PTPRG: variants seen among roughly 807,000 people sequenced by gnomAD.
PTPRG encodes the protein receptor-type tyrosine-protein phosphatase gamma.
Under a neutral mutation model 165.3 loss-of-function variants are expected in PTPRG, and 102 were observed. That is an observed-to-expected ratio of 0.62 (90% CI 0.53 to 0.73). PTPRG has a LOEUF of 0.73. PTPRG is among the 30% of genes least tolerant of loss of function. PTPRG has a pLI of 0.00. For synonymous variants in PTPRG, 675 were observed against 669.5 expected (o/e 1.01, Z -0.13); for missense variants, 1,866 against 1,861.4 (o/e 1.00, Z -0.05).
chr3:61,927,156 T>A (rs1202184290), intron 2 of PTPRG, among the ~76,000 whole-genome samples: 1 of 152,238 alleles, frequency 6.6e-6, no homozygotes, highest in Non-Finnish European at 1.5e-5. Flanking sequence ...GTTCATTTGA[T>A]CTTTTCCATC....
chr3:61,943,583 A>G (rs1377167281), intron 2 of PTPRG, among the ~76,000 whole-genome samples: 1 of 152,240 alleles, frequency 6.6e-6, no homozygotes, highest in Non-Finnish European at 1.5e-5. Flanking sequence ...GTCTCAAAAT[A>G]ATAATAATAA....
chr3:62,119,708 C>T (rs532651950), intron 5 of PTPRG, among the ~76,000 whole-genome samples: 8 of 151,842 alleles, frequency 5.3e-5, no homozygotes, highest in Middle Eastern at 3.4e-3. Context: ...GCAAACTCCA[C>T]GTCCTGGGTT....
At chr3:62,231,399 G>C in intron 14 of PTPRG, 88 bp downstream of exon 14, 1 of 1,079,992 alleles carries the variant, frequency 9.3e-7, no homozygotes, top group East Asian at 2.7e-5. Flanking sequence ...GGGGATTGAA[G>C]TCTTGTAGAT....
In PTPRG at chr3:62,296,240, T is replaced by G. The variant is rs551492263; in HGVS notation, c.*2933T>G. ...ATTAGCTAATTGGTCTTCCTAATTT[T>G]TATGCCTTTAGAGTTTTTAGTCTAT... On this transcript the variant is annotated 3_prime_UTR_variant, in exon 30 of 30. Coordinates refer to ENST00000474889, the MANE Select transcript of PTPRG (RefSeq NM_002841.4). 2.0e-5 allele frequency: 3 copies of G among 151,968 alleles called. No homozygotes were observed. The highest frequency in any genetic ancestry group is 4.4e-5 in the Non-Finnish European group (3 of 67,968). The allele number at this position is 151,968 out of a possible 1,614,324, so 9.4% of individuals were successfully genotyped here.
At chr3:61,989,978 A>C (rs1464329798) in intron 3 of PTPRG, among the ~76,000 whole-genome samples, 174 bp downstream of exon 3, 1 of 152,136 alleles carries the variant, frequency 6.6e-6, no homozygotes, top group African/African-American at 2.4e-5. Context: ...CTCTGTGGCT[A>C]ATCACCCTGT....
chr3:62,019,435 A>G (rs1559749971), intron 4 of PTPRG, among the ~76,000 whole-genome samples: 7 of 147,844 alleles, frequency 4.7e-5, no homozygotes, highest in Non-Finnish European at 1.5e-5. Context: ...AGAAGGGAGG[A>G]TTGCTTGAAC....
intron 4 of PTPRG, among the ~76,000 whole-genome samples, chr3:62,021,857 CTTTTTTTTTT>C (rs398062374): frequency 1.0e-5 from 1 of 97,090 alleles, no homozygotes; most frequent in African/African-American, 3.9e-5. Flanking sequence ...TTTTCCTTTT[CTTTTTTTTTT>C]TTTTTTTTTG....
chr3:61,821,748 G>A (rs189998800), intron 2 of PTPRG, among the ~76,000 whole-genome samples: 199 of 152,324 alleles, frequency 1.3e-3, no homozygotes, highest in African/African-American at 4.5e-3. Flanking sequence ...TATGAGCGAT[G>A]ACAATACTGA....
At chr3:61,618,796 T>G (rs1485996407) in intron 1 of PTPRG, among the ~76,000 whole-genome samples, 1 of 151,870 alleles carries the variant, frequency 6.6e-6, no homozygotes, top group African/African-American at 2.4e-5. Flanking sequence ...AATGACAGTA[T>G]TCATTGTTAT....
chr3:62,281,771 T>G, intron 27 of PTPRG, 62 bp downstream of exon 27: 1 of 1,425,708 alleles, frequency 7.0e-7, no homozygotes, highest in South Asian at 1.5e-5. Flanking sequence ...TCATTCTAAG[T>G]AATAATGAAA....
At chr3:61,819,256 A>G (rs971128358) in intron 2 of PTPRG, among the ~76,000 whole-genome samples, 13 of 152,186 alleles carry the variant, frequency 8.5e-5, no homozygotes, top group Admixed American at 6.5e-5. Flanking sequence ...AAATCAGGCA[A>G]TATAACTTCC....
Position 62,254,992 on chromosome 3 carries a change from AT to A in PTPRG, c.2468-128del. ...TCTGAGACTTTTCTTCAGGACATCT[AT>A]TTTGTGTGATACAATTATTTTGCTC... On this transcript the variant is annotated intron_variant, in intron 15 of 29. Coordinates refer to ENST00000474889, the MANE Select transcript of PTPRG (RefSeq NM_002841.4). This position sits in a 1 kb window ranked among gnomAD's most constrained non-coding sequence, Gnocchi z 4.6. 3.0e-6 allele frequency: 2 copies of A among 671,052 alleles called. No homozygotes were observed. The highest frequency in any genetic ancestry group is 4.4e-5 in the South Asian group (2 of 45,882). 41.6% of individuals were successfully genotyped at this position (671,052 alleles called of 1,614,324 possible). A position where few individuals can be genotyped will look rare whatever the true frequency, so the allele number is the denominator to read the frequency against.
chr3:62,051,328 A>C (rs1232083345), intron 4 of PTPRG, among the ~76,000 whole-genome samples: 1 of 152,218 alleles, frequency 6.6e-6, no homozygotes, highest in Non-Finnish European at 1.5e-5. Flanking sequence ...GGAACACTGG[A>C]TCAGCATTTC....
chr3:62,277,024 T>G lies in PTPRG; in HGVS notation c.3612T>G (p.Asp1204Glu). 6.2e-7 allele frequency: 1 copy of G among 1,612,776 alleles called. No homozygotes were observed. Among genetic ancestry groups the G allele is most frequent in the Non-Finnish European group, 8.5e-7 (1 of 1,179,094 alleles). The change falls in exon 25 of 30, where the codon GAT (aspartate) becomes GAG (glutamate). Residue 1204 changes from aspartate (D) to glutamate (E), a missense_variant. Asp to Glu is a conservative substitution (Grantham distance 45). Around this residue, in one of 3 missense-constraint regions of PTPRG, gnomAD observed 1,452 missense variants for 1,463.0 expected, o/e 0.99. Coordinates refer to ENST00000474889, the MANE Select transcript of PTPRG (RefSeq NM_002841.4). Reference protein sequence around the residue: ...LAPLPGMKGTDYINASYIMGY... With the variant: ...LAPLPGMKGTEYINASYIMGY... ...CATTGCCTGGAATGAAAGGAACAGATTACATTAATGCTTCTTATATCATGG... is the reference window on the plus strand; with the variant it reads ...CATTGCCTGGAATGAAAGGAACAGAGTACATTAATGCTTCTTATATCATGG...
At chr3:61,966,644 T>A (rs1286337734) in intron 2 of PTPRG, among the ~76,000 whole-genome samples, 7 of 152,190 alleles carry the variant, frequency 4.6e-5, no homozygotes, top group African/African-American at 1.7e-4. Context: ...TTTCTCACTT[T>A]CCTTATTCAA....
chr3:61,867,423 C>T (rs947871620), intron 2 of PTPRG, among the ~76,000 whole-genome samples: 2 of 152,160 alleles, frequency 1.3e-5, no homozygotes, highest in Non-Finnish European at 2.9e-5. Flanking sequence ...GATCACCATT[C>T]CAAGGCGAGT....
chr3:62,033,142 C>G (rs1699823775), intron 4 of PTPRG, among the ~76,000 whole-genome samples: 1 of 152,134 alleles, frequency 6.6e-6, no homozygotes, highest in Non-Finnish European at 1.5e-5. Flanking sequence ...CCCCTTTTCT[C>G]TCTGCTCCAG....
intron 5 of PTPRG, among the ~76,000 whole-genome samples, chr3:62,102,202 C>T (rs1428690701): frequency 2.0e-5 from 3 of 152,104 alleles, no homozygotes; most frequent in African/African-American, 7.2e-5. Context: ...CTTAGCACAG[C>T]GTGGATACTT....
chr3:61,841,912 G>T (rs549446960), intron 2 of PTPRG, among the ~76,000 whole-genome samples: 1 of 152,188 alleles, frequency 6.6e-6, no homozygotes, highest in Non-Finnish European at 1.5e-5. Context: ...TAAAAATCCC[G>T]ATGGTGGAAG....
Sources: gnomAD v4.1 joint callset for allele counts (sites outside exome capture counted in the v4.1 genomes callset) on GRCh38, gnomAD v4.1.1 for gene constraint, gnomAD v4.1.1 regional missense constraint, Gnocchi (gnomAD v3.1) non-coding constraint, MANE v1.5 for transcripts, NCBI Gene and HGNC (gene_info 2026-07-23, HGNC 2026-07-21) for gene names.